The following CATSPERB variants were observed in gnomAD, a reference collection of about 807,000 sequenced individuals.
CATSPERB encodes catsper channel auxiliary subunit beta.
Under a neutral mutation model 128.3 loss-of-function variants are expected in CATSPERB, and 93 were observed. The observed-to-expected ratio is 0.72, with a 90% CI of 0.61 to 0.86. CATSPERB has a LOEUF of 0.86. Ranked by LOEUF, CATSPERB falls within the 40% of genes least tolerant of loss-of-function variation. The probability of loss-of-function intolerance (pLI) is 0.00; values close to 1 mark genes in which losing one functional copy is unlikely to be tolerated. For missense variants in CATSPERB, 1,153 were observed against 1,329.5 expected (o/e 0.87, Z 2.06); for synonymous variants, 381 against 448.8 (o/e 0.85, Z 1.91).
At chr14:91,614,297 A>AG (rs1324825519) in intron 20 of CATSPERB, among the ~76,000 whole-genome samples, 1 of 26,824 alleles carries the variant, frequency 3.7e-5, no homozygotes, top group Non-Finnish European at 1.1e-4. Context: ...TAGGGCTCAC[A>AG]CTTTTATCCT....
At chr14:91,684,818 T>A (rs572739786) in intron 10 of CATSPERB, among the ~76,000 whole-genome samples, 98 of 152,088 alleles carry the variant, frequency 6.4e-4, no homozygotes, top group African/African-American at 2.3e-3. Context: ...GGTTTCACCA[T>A]GTTGGCCAGG....
chr14:91,611,446 C>T (rs1345333696), intron 20 of CATSPERB, among the ~76,000 whole-genome samples: 1 of 152,000 alleles, frequency 6.6e-6, no homozygotes, highest in African/African-American at 2.4e-5. Context: ...CCCACCTCTA[C>T]TAAAAGTACA....
At chr14:91,646,569 G>A (rs1241702244) in intron 15 of CATSPERB, among the ~76,000 whole-genome samples, 2 of 152,178 alleles carry the variant, frequency 1.3e-5, no homozygotes, top group East Asian at 1.9e-4. Flanking sequence ...AAGGGCCACC[G>A]TGGTATGAAT....
intron 17 of CATSPERB, among the ~76,000 whole-genome samples, chr14:91,627,726 G>A (rs1364359578): frequency 6.6e-6 from 1 of 152,198 alleles, no homozygotes; most frequent in Non-Finnish European, 1.5e-5. Flanking sequence ...TACTCTGGAG[G>A]AAAGCCTGAG....
In CATSPERB at chr14:91,604,389, A is replaced by G. The variant is rs995792058; in HGVS notation, c.2709+3905T>C. ...CCCAGACTGAAATTGATTAATGTCAATTGCACTCTTCTTCACACATCTTCA... is the reference window on the plus strand; with the variant it reads ...CCCAGACTGAAATTGATTAATGTCAGTTGCACTCTTCTTCACACATCTTCA... On this transcript the variant is annotated intron_variant, in intron 22 of 26. Transcript: ENST00000256343. 2.4e-5 allele frequency: 23 copies of G among 978,168 alleles called. No individual in the cohort carries two copies. In the African/African-American group the frequency reaches 2.9e-4, roughly 12 times the overall value. The allele number at this position is 978,168 out of a possible 1,614,324, so 60.6% of individuals were successfully genotyped here.
chr14:91,666,030 CATGAGATCTAATGGTTTTATAA>C (rs1449127576), intron 14 of CATSPERB, among the ~76,000 whole-genome samples: 1 of 152,156 alleles, frequency 6.6e-6, no homozygotes, highest in Non-Finnish European at 1.5e-5. Flanking sequence ...AGTGAGTTCT[CATGAGATCTAATGGTTTTATAA>C]GAGGCTGTTG....
chr14:91,673,472 ACTGGCAGTC>A (rs1895135041), intron 12 of CATSPERB, among the ~76,000 whole-genome samples: 1 of 152,194 alleles, frequency 6.6e-6, no homozygotes, highest in Admixed American at 6.5e-5. Flanking sequence ...TGACTCAGTG[ACTGGCAGTC>A]TATACAGCAA....
At chr14:91,668,221 G>C (rs1041405484) in intron 14 of CATSPERB, among the ~76,000 whole-genome samples, 1 of 147,868 alleles carries the variant, frequency 6.8e-6, no homozygotes, top group Non-Finnish European at 1.5e-5. Flanking sequence ...TAGGGACTTG[G>C]AGAACTTTTC....
At chr14:91,700,595 A>G (rs573409908) in intron 7 of CATSPERB, among the ~76,000 whole-genome samples, 1 of 152,148 alleles carries the variant, frequency 6.6e-6, no homozygotes, top group Non-Finnish European at 1.5e-5. Flanking sequence ...GTACTCATCA[A>G]TGGTGGACTG....
chr14:91,617,797 A>G (rs1893971841), intron 19 of CATSPERB, 61 bp from the exon 20 acceptor site: 1 of 1,166,892 alleles, frequency 8.6e-7, no homozygotes, highest in South Asian at 1.4e-5. Context: ...CAATTGAATA[A>G]TGATTGGCTA....
At chr14:91,682,246 T>C (rs1895295059) in intron 11 of CATSPERB, among the ~76,000 whole-genome samples, 1 of 152,148 alleles carries the variant, frequency 6.6e-6, no homozygotes, top group African/African-American at 2.4e-5. Context: ...GAATTTCCTA[T>C]TTGCCAGGAA....
In CATSPERB at chr14:91,728,003, C is replaced by A. The variant is rs74773797; in HGVS notation, c.79+1398G>T. 5.2e-3 allele frequency among the ~76,000 whole-genome samples: 792 copies of A among 152,248 alleles called. 7 individuals carry two copies. The highest frequency in any genetic ancestry group is 0.018 in the African/African-American group (740 of 41,562). On this transcript the variant is annotated intron_variant, in intron 2 of 26. Transcript: ENST00000256343. Reference sequence around the variant, plus strand: ...CTTTCAATAGTTAAGCCCATTTTTTCAGTCTCCCCTGCAGACAACCTTGTC... The same window carrying A: ...CTTTCAATAGTTAAGCCCATTTTTTAAGTCTCCCCTGCAGACAACCTTGTC...
intron 7 of CATSPERB, 103 bp from the exon 8 acceptor site, chr14:91,693,582 T>C (rs1451206754): frequency 1.1e-5 from 8 of 727,614 alleles, no homozygotes; most frequent in South Asian, 1.7e-5. Flanking sequence ...CTCAGCACTA[T>C]GACTCTCACT....
intron 14 of CATSPERB, 62 bp from the exon 15 acceptor site, chr14:91,660,043 T>TATC: frequency 2.7e-6 from 4 of 1,463,848 alleles, no homozygotes; most frequent in Non-Finnish European, 2.7e-6. Flanking sequence ...GGCAGTTACC[T>TATC]ATCAGCCTAC....
intron 11 of CATSPERB, among the ~76,000 whole-genome samples, chr14:91,682,791 G>A (rs897302517): frequency 6.6e-6 from 1 of 152,158 alleles, no homozygotes; most frequent in Non-Finnish European, 1.5e-5. Flanking sequence ...TAGAGGCCCT[G>A]GCTAAGCATA....
intron 11 of CATSPERB, 35 bp from the exon 12 acceptor site, chr14:91,674,257 G>A: frequency 1.5e-6 from 2 of 1,322,298 alleles, no homozygotes; most frequent in Non-Finnish European, 2.1e-6. Context: ...GGAATTATGA[G>A]CATATCTGTA....
At chr14:91,717,694 C>T (rs1414770708) in intron 5 of CATSPERB, among the ~76,000 whole-genome samples, 2 of 152,136 alleles carry the variant, frequency 1.3e-5, no homozygotes, top group Non-Finnish European at 2.9e-5. Flanking sequence ...GTTGCCTAAC[C>T]TACTTTTCCC....
intron 20 of CATSPERB, among the ~76,000 whole-genome samples, chr14:91,612,012 T>TTTTCTTTTTCTTTC (rs1893837508): frequency 3.8e-5 from 5 of 132,924 alleles, no homozygotes. Flanking sequence ...TTGTTTACTG[T>TTTTCTTTTTCTTTC]TTTCTTTCTT....
At position 91,636,506 on chromosome 14, in the gene CATSPERB, T is replaced by A; in HGVS notation, c.1661A>T (p.Tyr554Phe). 1 of 1,614,046 alleles carries A rather than the reference T, an allele frequency of 6.2e-7. No individual in the cohort carries two copies. Among genetic ancestry groups the A allele is most frequent in the Non-Finnish European group, 8.5e-7 (1 of 1,179,986 alleles). ...TTCCTGGGGTTCGTTCTCAGGTACA[T>A]ATGCAAAAAAGATAATTTCATCTAA... is the stretch of plus-strand genomic sequence containing the variant. ...TSLDEIIFFA[Y>F]VPENEPQETI... The change falls in exon 17 of 27, where the codon TAT becomes TTT. Residue 554 changes from tyrosine to phenylalanine, a missense_variant. Transcript: ENST00000256343.
Sources: allele counts gnomAD v4.1 joint callset (sites outside exome capture counted in the v4.1 genomes callset), GRCh38; gene constraint gnomAD v4.1.1; transcripts MANE v1.5; gene names NCBI Gene and HGNC (gene_info 2026-07-23, HGNC 2026-07-21).